ARHGEF18: variants seen among roughly 807,000 people sequenced by gnomAD.
ARHGEF18 encodes rho guanine nucleotide exchange factor 18.
ARHGEF18 carries 93 observed loss-of-function variants against 155.7 expected under a neutral mutation model. The observed-to-expected ratio is 0.60, with a 90% CI of 0.50 to 0.71. ARHGEF18 has a LOEUF of 0.71. ARHGEF18 is among the 30% of genes least tolerant of loss of function. ARHGEF18 has a pLI of 0.00. For missense variants in ARHGEF18, 1,593 were observed against 1,816.1 expected, an observed-to-expected ratio of 0.88 and a Z score of 2.23; for synonymous variants, 742 against 753.1, an observed-to-expected ratio of 0.99 and a Z score of 0.24.
chr19:7,395,200 A>C lies in ARHGEF18; in HGVS notation c.967+11997A>C, dbSNP rs1280899921. 2.0e-6 allele frequency: 2 copies of C among 986,030 alleles called. No homozygotes were observed. The highest frequency in any genetic ancestry group is 3.5e-5 in the African/African-American group (2 of 57,226). The allele number at this position is 986,030 out of a possible 1,614,324, so 61.1% of individuals were successfully genotyped here. ...CGGAGGCATCGGAGGCGGCTGCGAG[A>C]GTGGCAGAGGAGCTGGCGGAGAGCG... On this transcript the variant is annotated intron_variant, in intron 10 of 28. Coordinates refer to ENST00000668164, the MANE Select transcript of ARHGEF18 (RefSeq NM_001367823.1). This position sits in a 1 kb window ranked among gnomAD's most constrained non-coding sequence, Gnocchi z 5.0.
chr19:7,431,418 G>C (rs533289062), intron 10 of ARHGEF18, among the ~76,000 whole-genome samples: 49 of 150,278 alleles, frequency 3.3e-4, no homozygotes, highest in Non-Finnish European at 6.3e-4. Context: ...TCAGGAGGTT[G>C]AGGCAGGGGA....
At position 7,435,018 on chromosome 19, in the gene ARHGEF18, G is replaced by A. The variant is rs376586389; in HGVS notation, c.968-5326G>A. On this transcript the variant is annotated intron_variant, in intron 10 of 28. Coordinates refer to ENST00000668164, the MANE Select transcript of ARHGEF18 (RefSeq NM_001367823.1). Reference sequence around the variant, plus strand: ...AGAGTTTGAGACCAGCTTAGCCAATGTGGCAAAACCCCATCTCTACTAAAA... The same window carrying A: ...AGAGTTTGAGACCAGCTTAGCCAATATGGCAAAACCCCATCTCTACTAAAA... 3.3e-4 allele frequency among the ~76,000 whole-genome samples: 50 copies of A among 152,280 alleles called. No homozygotes were observed. In the East Asian group the frequency reaches 4.4e-3, roughly 14 times the overall value.
chr19:7,453,790 C>T lies in ARHGEF18; in HGVS notation c.2104+75C>T, dbSNP rs1248350557. The T allele has an allele frequency of 2.7e-6, 4 of 1,474,776 alleles. No individual in the cohort carries two copies. The African/African-American group carries it at 5.6e-5, about 21-fold the overall frequency. 91.4% of individuals were successfully genotyped at this position (1,474,776 alleles called of 1,614,324 possible). ...GGGCACTGTCTTGGAGTGGTGGGCA[C>T]TGTCTTAGATTAGTGGCACCATCTT... is the stretch of plus-strand genomic sequence containing the variant. On this transcript the variant is annotated intron_variant, in intron 17 of 28. Transcript: ENST00000668164.
intron 10 of ARHGEF18, among the ~76,000 whole-genome samples, chr19:7,426,401 T>G (rs932044226): frequency 6.6e-6 from 1 of 150,494 alleles, no homozygotes; most frequent in Non-Finnish European, 1.5e-5. Context: ...GCAGGATAAT[T>G]GCTTGAACCT....
At chr19:7,434,788 T>C (rs577908995) in intron 10 of ARHGEF18, among the ~76,000 whole-genome samples, 1 of 152,238 alleles carries the variant, frequency 6.6e-6, no homozygotes, top group Admixed American at 6.5e-5. Context: ...TGTGAGTTTG[T>C]TGGTTGAGCA....
chr19:7,382,121 G>A (rs898525628), intron 8 of ARHGEF18, among the ~76,000 whole-genome samples: 7 of 152,124 alleles, frequency 4.6e-5, no homozygotes, highest in African/African-American at 1.7e-4. Context: ...AGGATTTAAA[G>A]ACCAATTAGG....
intron 2 of ARHGEF18, among the ~76,000 whole-genome samples, chr19:7,368,968 C>T (rs557563531): frequency 3.4e-4 from 52 of 152,142 alleles, no homozygotes; most frequent in African/African-American, 1.1e-3. Flanking sequence ...GAAATGAGGA[C>T]GGTGGCCACA....
chr19:7,461,309 G>A (rs1318056320), intron 20 of ARHGEF18, among the ~76,000 whole-genome samples: 1 of 152,100 alleles, frequency 6.6e-6, no homozygotes, highest in Non-Finnish European at 1.5e-5. Flanking sequence ...AGCACTTTGG[G>A]AGGCCAAAGC....
At position 7,386,608 on chromosome 19, in the gene ARHGEF18, G is replaced by A. The variant is rs149820991; in HGVS notation, c.967+3405G>A. ...TAGGGAAGAGTATTCCAGGTCGTAG[G>A]TGGAAAGGTCCCAGGGCAGGAATGT... On this transcript the variant is annotated intron_variant, in intron 10 of 28. Transcript: ENST00000668164. 5.1e-3 allele frequency among the ~76,000 whole-genome samples: 780 copies of A among 152,190 alleles called. 14 individuals are homozygous for A. Among genetic ancestry groups the A allele is most frequent in the African/African-American group, 0.018 (756 of 41,542 alleles).
chr19:7,421,135 T>C (rs1973327281), intron 10 of ARHGEF18, among the ~76,000 whole-genome samples: 1 of 77,054 alleles, frequency 1.3e-5, no homozygotes, highest in Non-Finnish European at 2.3e-5. Flanking sequence ...CCCACTGTGT[T>C]GTCCAGGCTG....
intron 10 of ARHGEF18, among the ~76,000 whole-genome samples, chr19:7,392,913 G>GGT (rs1971483776): frequency 6.7e-6 from 1 of 149,064 alleles, no homozygotes; most frequent in Non-Finnish European, 1.5e-5. Context: ...CAGACGTGGT[G>GGT]GTGTGTGCCT....
intron 8 of ARHGEF18, among the ~76,000 whole-genome samples, chr19:7,381,365 G>C (rs946877498): frequency 6.6e-6 from 1 of 152,136 alleles, no homozygotes; most frequent in Non-Finnish European, 1.5e-5. Flanking sequence ...CTACACAAAG[G>C]CGCTCACACT....
At chr19:7,405,958 C>A (rs572342995) in intron 10 of ARHGEF18, among the ~76,000 whole-genome samples, 10 of 152,174 alleles carry the variant, frequency 6.6e-5, no homozygotes, top group South Asian at 2.1e-4. Context: ...ATTTCTTAGG[C>A]TCTTTACAAC....
intron 16 of ARHGEF18, 137 bp downstream of exon 16, chr19:7,451,403 C>T: frequency 1.9e-6 from 1 of 526,244 alleles, no homozygotes; most frequent in Non-Finnish European, 3.1e-6. Context: ...GGGGTTCCTT[C>T]CTTTTTTTTT....
Position 7,456,369 on chromosome 19 carries a change from A to T in ARHGEF18, c.2147A>T (p.Gln716Leu). The change falls in exon 18 of 29, where the codon CAA becomes CTA. Residue 716 changes from glutamine (Q) to leucine (L), a missense_variant. Gln to Leu is a moderately radical substitution (Grantham distance 113). Transcript: ENST00000668164. ...CTGACCGACGTACTTTTGCTGCTAC[A>T]AGAAAAAGATCAGAAATACGTCTTT... ...ILLTDVLLLL[Q>L]EKDQKYVFAS... The T allele has an allele frequency of 6.2e-7, 1 of 1,614,136 alleles. No homozygotes were observed. Among genetic ancestry groups the T allele is most frequent in the Non-Finnish European group, 8.5e-7 (1 of 1,180,000 alleles).
In ARHGEF18 at chr19:7,468,944, G is replaced by A; in HGVS notation, c.3600G>A (p.Arg1200=). 1 of 1,574,952 alleles carries A rather than the reference G, an allele frequency of 6.3e-7. No homozygotes were observed. The highest frequency in any genetic ancestry group is 8.6e-7 in the Non-Finnish European group (1 of 1,162,412). ...CAGAGCGCCCCGAGGTGGCTCGCCGGGACAGCGCCCCCACCGAGAACCGGC... is the reference window on the plus strand; with the variant it reads ...CAGAGCGCCCCGAGGTGGCTCGCCGAGACAGCGCCCCCACCGAGAACCGGC... The part of the protein sequence containing the change: ...EYAERPEVAR[R]DSAPTENRLA... Residue 1200 remains arginine, a synonymous_variant, in exon 27 of 29, where the codon CGG becomes CGA. Transcript: ENST00000668164.
intron 7 of ARHGEF18, among the ~76,000 whole-genome samples, chr19:7,380,212 C>G (rs893666467): frequency 1.3e-5 from 2 of 151,882 alleles, no homozygotes; most frequent in Non-Finnish European, 1.5e-5. Flanking sequence ...GGCGCAGTGG[C>G]TCACACCTGT....
At chr19:7,384,692 ATTTT>A (rs369171603) in intron 10 of ARHGEF18, among the ~76,000 whole-genome samples, 3 of 141,530 alleles carry the variant, frequency 2.1e-5, no homozygotes, top group Admixed American at 7.2e-5. Flanking sequence ...TTTTTGCAAA[ATTTT>A]TTTTTTTTTT....
intron 10 of ARHGEF18, among the ~76,000 whole-genome samples, chr19:7,386,607 G>A (rs1294831210): frequency 6.6e-6 from 1 of 152,080 alleles, no homozygotes; most frequent in Non-Finnish European, 1.5e-5. Flanking sequence ...CCAGGTCGTA[G>A]GTGGAAAGGT....
Sources: allele counts gnomAD v4.1 joint callset (sites outside exome capture counted in the v4.1 genomes callset), GRCh38; gene constraint gnomAD v4.1.1; non-coding constraint Gnocchi (gnomAD v3.1); transcripts MANE v1.5; gene names NCBI Gene and HGNC (gene_info 2026-07-23, HGNC 2026-07-21).